The following KIAA0825 variants were observed in gnomAD, a reference collection of about 807,000 sequenced individuals.
KIAA0825 encodes KIAA0825.
In KIAA0825, 119 loss-of-function variants were observed where a neutral mutation model predicts 147.6. The ratio of observed to expected loss-of-function variants is 0.81; its 90% confidence interval spans 0.69 to 0.94. The LOEUF (loss-of-function observed/expected upper bound fraction) is 0.94. KIAA0825 is among the 40% of genes least tolerant of loss of function. KIAA0825 has a pLI of 0.00. For synonymous variants in KIAA0825, 470 were observed against 518.1 expected, an observed-to-expected ratio of 0.91 and a Z score of 1.26; for missense variants, 1,381 against 1,472.7, an observed-to-expected ratio of 0.94 and a Z score of 1.02.
At chr5:94,572,918 A>C (rs1393554216) in intron 2 of KIAA0825, among the ~76,000 whole-genome samples, 3 of 152,216 alleles carry the variant, frequency 2.0e-5, no homozygotes, top group Non-Finnish European at 4.4e-5. Context: ...AAACTCTGTA[A>C]AACATTTGAA....
In KIAA0825 at chr5:94,359,488, G is replaced by A. The variant is rs1052080191; in HGVS notation, c.3710+24880C>T. Among the ~76,000 whole-genome samples, 59 of 152,178 alleles carry A rather than the reference G, an allele frequency of 3.9e-4. 1 individual carries two copies. Among genetic ancestry groups the A allele is most frequent in the African/African-American group, 1.4e-3 (56 of 41,428 alleles). On this transcript the variant is annotated intron_variant, in intron 20 of 20. Coordinates refer to ENST00000682413, the MANE Select transcript of KIAA0825 (RefSeq NM_001145678.3). Reference sequence around the variant, plus strand: ...AAAGTGTGCTGAGGCCATGTGCAGTGGCTCACGCCTGTAATCCTAATACTT... The same window carrying A: ...AAAGTGTGCTGAGGCCATGTGCAGTAGCTCACGCCTGTAATCCTAATACTT...
At chr5:94,482,008 C>T (rs1339510483) in intron 6 of KIAA0825, among the ~76,000 whole-genome samples, 1 of 152,030 alleles carries the variant, frequency 6.6e-6, no homozygotes, top group Admixed American at 6.6e-5. Flanking sequence ...TCCACGGCCA[C>T]TCCATAAGAT....
chr5:94,491,190 A>G (rs1763692944), intron 5 of KIAA0825, among the ~76,000 whole-genome samples: 1 of 152,300 alleles, frequency 6.6e-6, no homozygotes, highest in African/African-American at 2.4e-5. Flanking sequence ...ATTTTCAGTG[A>G]AGAGGTATTC....
At chr5:94,391,724 G>A (rs753568429) in intron 17 of KIAA0825, 30 bp from the exon 18 acceptor site, 42 of 1,465,224 alleles carry the variant, frequency 2.9e-5, no homozygotes, top group Middle Eastern at 1.8e-4. Flanking sequence ...ATACATATCA[G>A]TAGTGAAGAA....
At chr5:94,599,643 A>G (rs1336352578) in intron 1 of KIAA0825, among the ~76,000 whole-genome samples, 1 of 152,168 alleles carries the variant, frequency 6.6e-6, no homozygotes, top group Non-Finnish European at 1.5e-5. Context: ...TCAACAAAAG[A>G]AAAAAATTGA....
chr5:94,172,659 G>C (rs1290616458), intron 20 of KIAA0825, among the ~76,000 whole-genome samples: 1 of 152,052 alleles, frequency 6.6e-6, no homozygotes, highest in Non-Finnish European at 1.5e-5. Flanking sequence ...TTAGGTAAAT[G>C]ATTGTTTCTA....
chr5:94,251,706 A>C (rs1775971344), intron 20 of KIAA0825, among the ~76,000 whole-genome samples: 1 of 152,088 alleles, frequency 6.6e-6, no homozygotes, highest in Admixed American at 6.6e-5. Context: ...GAACACCTTG[A>C]AACATTCTTC....
Position 94,473,323 on chromosome 5 carries a change from G to T in KIAA0825, c.1424C>A (p.Pro475His), listed in dbSNP as rs978571154. 1 of 1,551,746 alleles carries T rather than the reference G, an allele frequency of 6.4e-7. No homozygotes were observed. Among genetic ancestry groups the T allele is most frequent in the Non-Finnish European group, 8.7e-7 (1 of 1,147,010 alleles). ...AATTTTCTTTGGTTGTTCCTCCTCA[G>T]GAAACATATGGCTGTCTTGCCAAAC... is the stretch of plus-strand genomic sequence containing the variant. ...QQVWQDSHMF[P>H]EEEQPKKIGK... Residue 475 changes from proline to histidine, a missense_variant, in exon 8 of 21, where the codon CCT (proline) becomes CAT (histidine). Transcript: ENST00000682413.
chr5:94,195,016 C>T (rs908483629), intron 20 of KIAA0825, among the ~76,000 whole-genome samples: 1 of 152,142 alleles, frequency 6.6e-6, no homozygotes, highest in Non-Finnish European at 1.5e-5. Flanking sequence ...TTAGAGATAA[C>T]GGTGCTGAGT....
intron 13 of KIAA0825, among the ~76,000 whole-genome samples, chr5:94,442,484 G>A (rs906635398): frequency 6.6e-6 from 1 of 152,158 alleles, no homozygotes; most frequent in African/African-American, 2.4e-5. Flanking sequence ...CAGGAGTTCT[G>A]AATTACTTTT....
intron 20 of KIAA0825, among the ~76,000 whole-genome samples, chr5:94,249,605 C>T (rs982957540): frequency 6.6e-6 from 1 of 152,022 alleles, no homozygotes; most frequent in Non-Finnish European, 1.5e-5. Flanking sequence ...CAAATTCATT[C>T]CCACCCCAGG....
chr5:94,276,209 TA>T (rs1009887590), intron 20 of KIAA0825, among the ~76,000 whole-genome samples: 3 of 152,138 alleles, frequency 2.0e-5, no homozygotes, highest in African/African-American at 7.2e-5. Flanking sequence ...AAAATTAGAC[TA>T]AGAATGTGAG....
chr5:94,329,346 T>A (rs1432536831), intron 20 of KIAA0825, among the ~76,000 whole-genome samples: 1 of 152,012 alleles, frequency 6.6e-6, no homozygotes, highest in Non-Finnish European at 1.5e-5. Context: ...TTAAGAAAAC[T>A]TTCCAGAAAA....
chr5:94,268,920 A>G (rs1347134940), intron 20 of KIAA0825, among the ~76,000 whole-genome samples: 2 of 152,170 alleles, frequency 1.3e-5, no homozygotes, highest in Admixed American at 6.6e-5. Flanking sequence ...CAAATTCCAC[A>G]GCACAGTGTC....
intron 20 of KIAA0825, among the ~76,000 whole-genome samples, chr5:94,159,731 C>T (rs1767372403): frequency 6.6e-6 from 1 of 152,034 alleles, no homozygotes; most frequent in African/African-American, 2.4e-5. Flanking sequence ...TTCCTATAAT[C>T]ACTTTGCTGT....
intron 12 of KIAA0825, among the ~76,000 whole-genome samples, chr5:94,454,485 T>C (rs575337764): frequency 1.3e-5 from 2 of 152,334 alleles, no homozygotes; most frequent in South Asian, 4.1e-4. Flanking sequence ...ATCTCTTCTT[T>C]AAAAGGCTTT....
chr5:94,234,039 C>T (rs1174821416), intron 20 of KIAA0825, among the ~76,000 whole-genome samples: 2 of 152,088 alleles, frequency 1.3e-5, no homozygotes, highest in East Asian at 1.9e-4. Flanking sequence ...TGGTAATCGG[C>T]GATATTCAAA....
At chr5:94,227,058 A>T (rs1359873996) in intron 20 of KIAA0825, among the ~76,000 whole-genome samples, 3 of 152,008 alleles carry the variant, frequency 2.0e-5, no homozygotes, top group Non-Finnish European at 4.4e-5. Context: ...TATATACCCA[A>T]AGGACTATAA....
chr5:94,471,465 C>A lies in KIAA0825; in HGVS notation c.1721+1G>T, dbSNP rs533181653. ...ATCATCTTAATTTAAACAACACTCA[C>A]TTTTTAGTCATTTCCTTCATCAAAT... On this transcript the variant is annotated splice_donor_variant, in intron 9 of 20. Transcript: ENST00000682413. LOFTEE classifies it high-confidence loss of function. 1 of 1,551,560 alleles carries A rather than the reference C, an allele frequency of 6.4e-7. No homozygotes were observed. The highest frequency in any genetic ancestry group is 1.4e-5 in the African/African-American group (1 of 73,048).
Sources: gnomAD v4.1 joint callset for allele counts (sites outside exome capture counted in the v4.1 genomes callset) on GRCh38, gnomAD v4.1.1 for gene constraint, MANE v1.5 for transcripts, NCBI Gene and HGNC (gene_info 2026-07-23, HGNC 2026-07-21) for gene names.